WDR47: variants seen among roughly 807,000 people sequenced by gnomAD.
WDR47 encodes WD repeat domain 47, also known as WD repeat-containing protein 47.
WDR47 carries 32 observed loss-of-function variants against 97.2 expected under a neutral mutation model. The observed-to-expected ratio is 0.33, with a 90% CI of 0.25 to 0.44. The LOEUF is 0.44. Among genes scored for constraint, WDR47 ranks in the 20% least tolerant of loss-of-function variants. The pLI is 1.00. For synonymous variants in WDR47, 375 were observed against 373.5 expected, an observed-to-expected ratio of 1.00 and a Z score of -0.05; for missense variants, 782 against 1,102.3, an observed-to-expected ratio of 0.71 and a Z score of 4.11.
In WDR47 at chr1:108,971,248, G is replaced by T; in HGVS notation, c.*182C>A. 2 of 759,234 alleles carry T rather than the reference G, an allele frequency of 2.6e-6. No homozygotes were observed. The highest frequency in any genetic ancestry group is 2.0e-6 in the Non-Finnish European group (1 of 491,376). 47.0% of individuals were successfully genotyped at this position (759,234 alleles called of 1,614,324 possible). ...CACAGCAGCACGAGCTCACATGGAA[G>T]ACTGAAAGCACTGCGGAATAACACC... On this transcript the variant is annotated 3_prime_UTR_variant, in exon 15 of 15. Transcript: ENST00000369962.
chr1:108,973,658 G>A (rs979450943), intron 14 of WDR47, among the ~76,000 whole-genome samples: 2 of 152,036 alleles, frequency 1.3e-5, no homozygotes, highest in Admixed American at 6.6e-5. Flanking sequence ...GAGGCAGGAG[G>A]ATCACTTGAG....
intron 4 of WDR47, among the ~76,000 whole-genome samples, chr1:109,013,581 T>C (rs553696456): frequency 1.3e-5 from 2 of 152,258 alleles, no homozygotes; most frequent in Non-Finnish European, 2.9e-5. Context: ...AAACTTTATC[T>C]ATTGCTGACT....
chr1:109,026,050 CT>C (rs557580439), intron 1 of WDR47, among the ~76,000 whole-genome samples: 510 of 144,516 alleles, frequency 3.5e-3, no homozygotes, highest in African/African-American at 3.5e-3. Context: ...TCACTAAATT[CT>C]TTTTTTTTTT....
chr1:109,010,819 T>C (rs1046711914), intron 5 of WDR47, 97 bp downstream of exon 5: 60 of 1,187,572 alleles, frequency 5.1e-5, no homozygotes, highest in Non-Finnish European at 6.8e-5. Context: ...CCTGACCTTG[T>C]GATCCACCCA....
chr1:108,970,299 T>C lies in WDR47; in HGVS notation c.*1131A>G, dbSNP rs1286710588. 3.3e-5 allele frequency: 5 copies of C among 152,604 alleles called. No individual in the cohort carries two copies. Among genetic ancestry groups the C allele is most frequent in the African/African-American group, 1.2e-4 (5 of 41,452 alleles). 9.5% of individuals were successfully genotyped at this position (152,604 alleles called of 1,614,324 possible). On this transcript the variant is annotated 3_prime_UTR_variant, in exon 15 of 15. Coordinates refer to ENST00000369962, the MANE Select transcript of WDR47 (RefSeq NM_001142551.2). ...CCACTTGTATACAACAGATGAAAAATGCTTGCTACATACAGTGCACAGACA... is the reference window on the plus strand; with the variant it reads ...CCACTTGTATACAACAGATGAAAAACGCTTGCTACATACAGTGCACAGACA...
intron 7 of WDR47, among the ~76,000 whole-genome samples, chr1:108,997,365 C>T (rs547030617): frequency 2.0e-5 from 3 of 151,238 alleles, no homozygotes; most frequent in Non-Finnish European, 4.4e-5. Context: ...ATTGCCTGGG[C>T]CCAGGAGGTC....
intron 6 of WDR47, among the ~76,000 whole-genome samples, chr1:109,003,239 A>G (rs946889954): frequency 6.6e-6 from 1 of 152,062 alleles, no homozygotes; most frequent in Non-Finnish European, 1.5e-5. Context: ...CATTATTGTA[A>G]GTAGGGTATT....
At chr1:109,040,218 AGGT>A (rs1270295427) in intron 1 of WDR47, among the ~76,000 whole-genome samples, 5 of 152,202 alleles carry the variant, frequency 3.3e-5, no homozygotes, top group African/African-American at 1.2e-4. Context: ...GCTTAAATAC[AGGT>A]AATCTGATTT....
At chr1:109,033,777 G>C (rs1232041512) in intron 1 of WDR47, among the ~76,000 whole-genome samples, 1 of 152,210 alleles carries the variant, frequency 6.6e-6, no homozygotes, top group Admixed American at 6.5e-5. Context: ...AAATTAGCTG[G>C]ACGTGATGGC....
chr1:109,027,382 C>T (rs141338393), intron 1 of WDR47, among the ~76,000 whole-genome samples: 269 of 152,048 alleles, frequency 1.8e-3, no homozygotes, highest in Middle Eastern at 3.4e-3. Context: ...ATAAGCTTCA[C>T]TGTTGCTGAA....
chr1:109,012,108 C>T (rs1661071997), intron 4 of WDR47, among the ~76,000 whole-genome samples: 1 of 152,030 alleles, frequency 6.6e-6, no homozygotes, highest in Non-Finnish European at 1.5e-5. Context: ...ACACTGTGCC[C>T]AGCTCTCAAA....
intron 5 of WDR47, among the ~76,000 whole-genome samples, chr1:109,009,520 C>T (rs1333889513): frequency 6.6e-6 from 1 of 152,140 alleles, no homozygotes; most frequent in Non-Finnish European, 1.5e-5. Context: ...AAAGTAGAAA[C>T]AACCTGGTAT....
intron 10 of WDR47, 147 bp downstream of exon 10, chr1:108,986,374 AAC>A (rs1351513260): frequency 4.4e-5 from 29 of 656,002 alleles, no homozygotes; most frequent in African/African-American, 7.4e-5. Flanking sequence ...TGAAAGTAAA[AAC>A]AGTTATTTTA....
chr1:109,009,715 T>C (rs1015564190), intron 5 of WDR47, among the ~76,000 whole-genome samples: 28 of 152,106 alleles, frequency 1.8e-4, no homozygotes, highest in African/African-American at 3.6e-4. Context: ...TGTATTCATA[T>C]AGCCAGGCGC....
intron 6 of WDR47, 132 bp from the exon 7 acceptor site, chr1:109,002,534 T>C: frequency 1.3e-6 from 1 of 774,222 alleles, no homozygotes; most frequent in Non-Finnish European, 1.9e-6. Flanking sequence ...ACTTAATCTA[T>C]TGCTCTTTGA....
intron 6 of WDR47, among the ~76,000 whole-genome samples, chr1:109,003,824 A>AT (rs1402038381): frequency 6.6e-6 from 1 of 152,132 alleles, no homozygotes; most frequent in African/African-American, 2.4e-5. Context: ...CTTATACCCT[A>AT]TTTCACAATA....
chr1:108,991,482 G>A (rs1659345643), intron 8 of WDR47, among the ~76,000 whole-genome samples, 153 bp from the exon 9 acceptor site: 1 of 152,094 alleles, frequency 6.6e-6, no homozygotes, highest in Admixed American at 6.6e-5. Flanking sequence ...AATAAGCTCT[G>A]GATTCAGTGG....
chr1:108,974,850 T>A, intron 13 of WDR47, 96 bp from the exon 14 acceptor site: 1 of 901,420 alleles, frequency 1.1e-6, no homozygotes, highest in Non-Finnish European at 1.7e-6. Flanking sequence ...ACTAAAGATT[T>A]AATGTAGTTT....
Position 109,013,900 on chromosome 1 carries a change from T to C in WDR47, c.268A>G (p.Lys90Glu). The change falls in exon 4 of 15, where the codon AAG becomes GAG. Residue 90 changes from lysine (K) to glutamate (E), a missense_variant. By Grantham distance (56) the Lys-to-Glu change is moderately conservative. Transcript: ENST00000369962. The stretch of plus-strand genomic sequence containing the variant: ...TTAACACATAAAGCTTCTAAAAACT[T>C]CTGCTTCAGGATAATATAACGAAAC... ...KRFRYIILKQ[K>E]FLEALCVNNA... 6.2e-7 allele frequency: 1 copy of C among 1,612,772 alleles called. No homozygotes were observed. The highest frequency in any genetic ancestry group is 8.5e-7 in the Non-Finnish European group (1 of 1,179,834).
Sources: gnomAD v4.1 joint callset for allele counts (sites outside exome capture counted in the v4.1 genomes callset) on GRCh38, gnomAD v4.1.1 for gene constraint, MANE v1.5 for transcripts, NCBI Gene and HGNC (gene_info 2026-07-23, HGNC 2026-07-21) for gene names.